The following GRIA3 variants were observed in gnomAD, a reference collection of about 807,000 sequenced individuals.
The protein encoded by GRIA3 is glutamate receptor 3.
A neutral mutation model predicts 63.0 loss-of-function variants in GRIA3; 3 were observed. The ratio of observed to expected loss-of-function variants is 0.05; its 90% CI spans 0.02 to 0.12. The LOEUF is 0.12. Ranked by LOEUF, GRIA3 falls within the 10% of genes least tolerant of loss-of-function variation. The probability of loss-of-function intolerance (pLI) is 1.00; values close to 1 mark genes in which losing one functional copy is unlikely to be tolerated. For synonymous variants in GRIA3, 274 were observed against 257.9 expected (o/e 1.06, Z -0.60); for missense variants, 347 against 700.9 (o/e 0.50, Z 5.70).
intron 3 of GRIA3, among the ~76,000 whole-genome samples, chrX:123,302,637 A>G (rs1345090971): frequency 9.0e-6 from 1 of 111,290 alleles, no homozygotes; most frequent in African/African-American, 3.3e-5. Context: ...TTTACTAATA[A>G]ATATCTCTCC....
chrX:123,333,465 T>C (rs751585552), intron 4 of GRIA3, among the ~76,000 whole-genome samples: 4 of 111,796 alleles, frequency 3.6e-5, no homozygotes, highest in Non-Finnish European at 5.7e-5. Flanking sequence ...TAGGCACTAT[T>C]GGGAGAAACA....
intron 3 of GRIA3, among the ~76,000 whole-genome samples, chrX:123,273,730 G>A (rs962239226): frequency 1.2e-4 from 13 of 111,957 alleles, no homozygotes; most frequent in Non-Finnish European, 2.4e-4. Context: ...CCATTCTGGT[G>A]CCCATTCTTG....
chrX:123,285,681 A>G (rs1569413912), intron 3 of GRIA3, among the ~76,000 whole-genome samples: 2 of 110,432 alleles, frequency 1.8e-5, no homozygotes, highest in South Asian at 4.0e-4. Context: ...AGGGAATTAC[A>G]TAATGGTAAA....
chrX:123,250,335 A>G (rs1302030878), intron 2 of GRIA3, among the ~76,000 whole-genome samples: 1 of 112,033 alleles, frequency 8.9e-6, no homozygotes, highest in Non-Finnish European at 1.9e-5. Context: ...TTAATTCTGC[A>G]CCCCGAGTTC....
chrX:123,428,193 A>C, intron 12 of GRIA3, 54 bp downstream of exon 12: 3 of 832,554 alleles, frequency 3.6e-6, no homozygotes, highest in Non-Finnish European at 3.6e-6. Flanking sequence ...TCATCTTCTC[A>C]CAAAGGCAAG....
chrX:123,464,394 A>G (rs6649018), intron 12 of GRIA3, among the ~76,000 whole-genome samples: 44,079 of 110,710 alleles, frequency 0.4, 7,222 homozygotes, highest in South Asian at 0.53. Context: ...GTACTTTCTT[A>G]CAATAATTGA....
chrX:123,456,326 T>C (rs1405391053), intron 12 of GRIA3, among the ~76,000 whole-genome samples: 1 of 110,839 alleles, frequency 9.0e-6, no homozygotes, highest in Admixed American at 9.6e-5. Flanking sequence ...TATGGAAATA[T>C]AAAGTTTAAA....
intron 12 of GRIA3, among the ~76,000 whole-genome samples, chrX:123,443,781 C>A (rs192853731): frequency 2.4e-4 from 27 of 111,436 alleles, no homozygotes; most frequent in African/African-American, 8.2e-4. Flanking sequence ...ATAAGAGCCA[C>A]AGAACCTGGA....
chrX:123,403,761 C>T (rs1204034819), intron 9 of GRIA3, among the ~76,000 whole-genome samples: 2 of 111,260 alleles, frequency 1.8e-5, no homozygotes, highest in Non-Finnish European at 3.8e-5. Flanking sequence ...CTCTTTCTCC[C>T]CGCCTCCATG....
intron 2 of GRIA3, among the ~76,000 whole-genome samples, chrX:123,229,795 A>T (rs776716225): frequency 8.9e-6 from 1 of 111,966 alleles, no homozygotes; most frequent in Non-Finnish European, 1.9e-5. Flanking sequence ...ATTGTAGCTT[A>T]ACAGAAAGAT....
rs534862508 is a variant in GRIA3, at chrX:123,368,349, G to A, written c.750+13386G>A. 2.9e-4 allele frequency among the ~76,000 whole-genome samples: 32 copies of A among 111,813 alleles called. No homozygotes were observed. In the South Asian group the frequency reaches 5.0e-3, roughly 18 times the overall value. ...AGAATAATTTGACAGCTGGCAGGCA[G>A]ACAGGTAGGATATGTACCTTCCTCT... On this transcript the variant is annotated intron_variant, in intron 5 of 15. Coordinates refer to ENST00000620443, the MANE Select transcript of GRIA3 (RefSeq NM_007325.5).
intron 2 of GRIA3, among the ~76,000 whole-genome samples, chrX:123,212,353 A>G (rs1928063060): frequency 8.9e-6 from 1 of 112,447 alleles, no homozygotes; most frequent in Non-Finnish European, 1.9e-5. Context: ...TTTTCAAATC[A>G]GAAATCCCAA....
intron 11 of GRIA3, among the ~76,000 whole-genome samples, chrX:123,419,136 G>A (rs1196872360): frequency 8.9e-6 from 1 of 112,028 alleles, no homozygotes; most frequent in Admixed American, 9.4e-5. Flanking sequence ...GGCCGGGCGC[G>A]GTGATTCATG....
At chrX:123,350,297 C>CT (rs11388413) in intron 4 of GRIA3, among the ~76,000 whole-genome samples, 13,772 of 109,953 alleles carry the variant, frequency 0.13, 645 homozygotes, top group East Asian at 0.16. Flanking sequence ...TACATAGATC[C>CT]TTTTTTGGCG....
chrX:123,327,920 C>T (rs1462900206), intron 4 of GRIA3, among the ~76,000 whole-genome samples: 1 of 111,565 alleles, frequency 9.0e-6, no homozygotes, highest in Non-Finnish European at 1.9e-5. Flanking sequence ...ACTACATGCC[C>T]TCTAAAATTT....
chrX:123,184,882 G>A, intron 1 of GRIA3: 1 of 488,033 alleles, frequency 2.0e-6, no homozygotes, highest in African/African-American at 2.3e-5. Context: ...GGCTAGTGGG[G>A]GTGAACTGCT....
intron 3 of GRIA3, among the ~76,000 whole-genome samples, chrX:123,298,002 T>G (rs773591324): frequency 7.0e-4 from 78 of 111,322 alleles, no homozygotes; most frequent in Non-Finnish European, 1.3e-4. Context: ...TGTGTTAGTT[T>G]GCTAAGGATA....
chrX:123,452,712 T>G (rs1344893202), intron 12 of GRIA3, among the ~76,000 whole-genome samples: 2 of 112,005 alleles, frequency 1.8e-5, no homozygotes, highest in African/African-American at 6.5e-5. Context: ...GTAATTGGCT[T>G]TGGATTGCTG....
At chrX:123,446,368 A>T (rs959619202) in intron 12 of GRIA3, among the ~76,000 whole-genome samples, 1 of 112,230 alleles carries the variant, frequency 8.9e-6, no homozygotes, top group Non-Finnish European at 1.9e-5. Flanking sequence ...CATGCTTTTC[A>T]GCGAGTAGAT....
Sources: allele counts gnomAD v4.1 joint callset (sites outside exome capture counted in the v4.1 genomes callset), GRCh38; gene constraint gnomAD v4.1.1; transcripts MANE v1.5; gene names NCBI Gene and HGNC (gene_info 2026-07-23, HGNC 2026-07-21).